SDK1: variants seen among roughly 807,000 people sequenced by gnomAD.
SDK1 encodes protein sidekick-1.
Under a neutral mutation model 245.5 loss-of-function variants are expected in SDK1, and 157 were observed. The ratio of observed to expected loss-of-function variants is 0.64; its 90% CI spans 0.56 to 0.73. The LOEUF is 0.73. Ranked by LOEUF, SDK1 falls within the 30% of genes least tolerant of loss-of-function variation. The pLI is 0.00. For missense variants in SDK1, 3,583 were observed against 3,002.3 expected (o/e 1.19, Z -4.52); for synonymous variants, 1,647 against 1,278.5 (o/e 1.29, Z -6.15).
At chr7:3,656,557 A>T (rs1783190972) in intron 4 of SDK1, among the ~76,000 whole-genome samples, 1 of 152,042 alleles carries the variant, frequency 6.6e-6, no homozygotes, top group Non-Finnish European at 1.5e-5. Context: ...TTAATTCATG[A>T]CCCAGACCCA....
At chr7:4,103,862 C>G (rs978387812) in intron 22 of SDK1, among the ~76,000 whole-genome samples, 2 of 152,222 alleles carry the variant, frequency 1.3e-5, no homozygotes, top group Non-Finnish European at 2.9e-5. Flanking sequence ...GTAAAGGTCC[C>G]GATAGTGAAT....
At chr7:3,507,212 C>T (rs895856298) in intron 1 of SDK1, among the ~76,000 whole-genome samples, 1 of 152,144 alleles carries the variant, frequency 6.6e-6, no homozygotes, top group Admixed American at 6.5e-5. Flanking sequence ...CAGCTTAGTT[C>T]TCTCTAGTAG....
chr7:3,954,607 CTCCCCTCTACACCT>C (rs1231036361), intron 7 of SDK1, among the ~76,000 whole-genome samples: 3 of 125,420 alleles, frequency 2.4e-5, no homozygotes, highest in African/African-American at 9.6e-5. Flanking sequence ...CCGTTCCCAC[CTCCCCTCTACACCT>C]TCCCCTCTGG....
chr7:3,305,233 A>G (rs1779386938), intron 1 of SDK1, among the ~76,000 whole-genome samples: 1 of 152,242 alleles, frequency 6.6e-6, no homozygotes, highest in Non-Finnish European at 1.5e-5. Context: ...GTGAAAATTT[A>G]AAATACAGTT....
intron 1 of SDK1, among the ~76,000 whole-genome samples, chr7:3,569,104 C>G (rs982637429): frequency 6.7e-6 from 1 of 149,174 alleles, no homozygotes; most frequent in Non-Finnish European, 1.5e-5. Context: ...TTTATATTTA[C>G]TCATTTAAAA....
At chr7:3,670,023 T>C (rs1277697287) in intron 4 of SDK1, among the ~76,000 whole-genome samples, 2 of 152,222 alleles carry the variant, frequency 1.3e-5, no homozygotes, top group Non-Finnish European at 2.9e-5. Context: ...GTTTCTCTTA[T>C]TGTACCACAT....
intron 1 of SDK1, among the ~76,000 whole-genome samples, chr7:3,360,697 C>G (rs1780927972): frequency 6.6e-6 from 1 of 152,158 alleles, no homozygotes; most frequent in Non-Finnish European, 1.5e-5. Context: ...ACTATCCCAA[C>G]CACCTGGTCT....
chr7:4,079,590 T>C lies in SDK1; in HGVS notation c.3324+6T>C. 1 of 1,614,046 alleles carries C rather than the reference T, an allele frequency of 6.2e-7. No homozygotes were observed. Among genetic ancestry groups the C allele is most frequent in the South Asian group, 1.1e-5 (1 of 91,074 alleles). On this transcript the variant is annotated splice_donor_region_variant and intron_variant, in intron 22 of 44. Transcript: ENST00000404826. Reference sequence around the variant, plus strand: ...GGTGGATTGTTGAGGGGCAGGTACGTGTGTCGTTAGACTGGGAGCTGGCAT... The same window carrying C: ...GGTGGATTGTTGAGGGGCAGGTACGCGTGTCGTTAGACTGGGAGCTGGCAT...
chr7:3,963,154 T>C (rs1348041350), intron 9 of SDK1, among the ~76,000 whole-genome samples: 66 of 74,690 alleles, frequency 8.8e-4, no homozygotes, highest in East Asian at 3.0e-3. Flanking sequence ...AGTGAGTACA[T>C]TCAGCCCCAT....
chr7:4,209,692 T>C (rs1446719994), intron 37 of SDK1, among the ~76,000 whole-genome samples: 1 of 151,914 alleles, frequency 6.6e-6, no homozygotes, highest in African/African-American at 2.4e-5. Context: ...TCTGGAATCC[T>C]CCAGCAGTTG....
chr7:3,943,132 G>T (rs144737585), intron 5 of SDK1, among the ~76,000 whole-genome samples: 1 of 152,296 alleles, frequency 6.6e-6, no homozygotes, highest in East Asian at 1.9e-4. Context: ...CCAAAATGTA[G>T]GATTTGCTCT....
At chr7:3,324,202 G>A (rs1323851378) in intron 1 of SDK1, among the ~76,000 whole-genome samples, 1 of 152,094 alleles carries the variant, frequency 6.6e-6, no homozygotes, top group Non-Finnish European at 1.5e-5. Context: ...ATTTGAAATT[G>A]AGTAGATTGT....
intron 4 of SDK1, among the ~76,000 whole-genome samples, chr7:3,751,617 G>A (rs182933090): frequency 7.9e-5 from 12 of 152,238 alleles, no homozygotes; most frequent in Admixed American, 1.3e-4. Context: ...TAGCCACACC[G>A]ACTTCCTCTT....
At chr7:3,647,867 C>A (rs1782898527) in intron 4 of SDK1, among the ~76,000 whole-genome samples, 1 of 152,036 alleles carries the variant, frequency 6.6e-6, no homozygotes, top group Admixed American at 6.6e-5. Context: ...CAGACATCTT[C>A]AGCAGAAGGG....
At chr7:3,939,389 CA>C (rs574615940) in intron 5 of SDK1, among the ~76,000 whole-genome samples, 65 of 152,352 alleles carry the variant, frequency 4.3e-4, no homozygotes, top group African/African-American at 1.5e-3. Context: ...TTCCCACGTC[CA>C]GGGGCTGGGC....
chr7:3,403,204 G>A (rs2128574060), intron 1 of SDK1, among the ~76,000 whole-genome samples: 1 of 152,234 alleles, frequency 6.6e-6, no homozygotes, highest in South Asian at 2.1e-4. Context: ...AAAGTGTTGG[G>A]ATTACAGGTG....
At chr7:3,582,421 CTG>C (rs1780532963) in intron 1 of SDK1, among the ~76,000 whole-genome samples, 2 of 148,690 alleles carry the variant, frequency 1.3e-5, no homozygotes, top group East Asian at 2.0e-4. Flanking sequence ...TCAGGTAGGT[CTG>C]TCTCAGGTAG....
At chr7:4,082,823 G>A (rs1388270702) in intron 22 of SDK1, among the ~76,000 whole-genome samples, 1 of 151,974 alleles carries the variant, frequency 6.6e-6, no homozygotes, top group Non-Finnish European at 1.5e-5. Context: ...GTTTTGCTGT[G>A]TTGCCCAGGC....
At chr7:3,784,168 C>G (rs915367248) in intron 4 of SDK1, among the ~76,000 whole-genome samples, 6 of 151,536 alleles carry the variant, frequency 4.0e-5, no homozygotes, top group African/African-American at 1.5e-4. Flanking sequence ...TGACTCATCC[C>G]TGAGCCTGTC....
Sources: gnomAD v4.1 joint callset for allele counts (sites outside exome capture counted in the v4.1 genomes callset) on GRCh38, gnomAD v4.1.1 for gene constraint, MANE v1.5 for transcripts, NCBI Gene and HGNC (gene_info 2026-07-23, HGNC 2026-07-21) for gene names.